The following HNRNPA1L2 variants were observed in gnomAD, a reference collection of about 807,000 sequenced individuals.
HNRNPA1L2 encodes the protein heterogeneous nuclear ribonucleoprotein A1-like 2.
Under a neutral mutation model 18.2 loss-of-function variants are expected in HNRNPA1L2, and 10 were observed. That is an observed-to-expected ratio of 0.55 (90% CI 0.34 to 0.93). The LOEUF (loss-of-function observed/expected upper bound fraction) is 0.93. Among genes scored for constraint, HNRNPA1L2 ranks in the 40% least tolerant of loss-of-function variants. The pLI, the probability that HNRNPA1L2 is intolerant of heterozygous loss-of-function variation, is 0.02. For missense variants in HNRNPA1L2, 308 were observed against 394.4 expected (o/e 0.78, Z 1.85); for synonymous variants, 124 against 138.6 (o/e 0.89, Z 0.74).
chr13:52,619,079 G>C, the HNRNPA1L2 span, among the ~76,000 whole-genome samples: 65,841 of 151,698 alleles, frequency 0.43, 14,602 homozygotes, highest in Middle Eastern at 0.52. Context: ...ACGATCTCGG[G>C]TCACCACAAT....
chr13:52,643,752 A>G lies in HNRNPA1L2; in HGVS notation c.*297A>G, dbSNP rs1179760451. On this transcript the variant is annotated 3_prime_UTR_variant, in exon 1 of 1. Transcript: ENST00000357495. ...CCCATGCTGTTGATTGCTAAATGTA[A>G]TAGTCTGATTGTGACGCTGAATAAA... 1 of 454,368 alleles carries G rather than the reference A, an allele frequency of 2.2e-6. No homozygotes were observed. Among genetic ancestry groups the G allele is most frequent in the Non-Finnish European group, 4.0e-6 (1 of 249,678 alleles). 28.1% of individuals were successfully genotyped at this position (454,368 alleles called of 1,614,324 possible).
the HNRNPA1L2 span, among the ~76,000 whole-genome samples, chr13:52,619,756 C>T: frequency 6.6e-6 from 1 of 151,798 alleles, no homozygotes; most frequent in Non-Finnish European, 1.5e-5. Flanking sequence ...CCCGTCTCTA[C>T]TGAAAACACA....
At chr13:52,634,779 G>A in the HNRNPA1L2 span, among the ~76,000 whole-genome samples, 6 of 152,332 alleles carry the variant, frequency 3.9e-5, no homozygotes, top group Non-Finnish European at 8.8e-5. Flanking sequence ...TCAACAGAAA[G>A]AGTGTTGGTG....
Position 52,642,605 on chromosome 13 carries a change from G to A in HNRNPA1L2, c.113G>A (p.Gly38Glu). 7 of 1,611,896 alleles carry A rather than the reference G, an allele frequency of 4.3e-6. No individual in the cohort carries two copies. Among genetic ancestry groups the A allele is most frequent in the Non-Finnish European group, 5.9e-6 (7 of 1,179,850 alleles). Residue 38 changes from glycine (G) to glutamate (E), a missense_variant, in exon 1 of 1, where the codon GGA (glycine) becomes GAA (glutamate). Coordinates refer to ENST00000357495, the MANE Select transcript of HNRNPA1L2 (RefSeq NM_001389320.1). The stretch of plus-strand genomic sequence containing the variant: ...CTGAGGAGCCATTTTGAGCAATGGG[G>A]AACGCTCACAGACTGTGTGGTAATG... ...ESLRSHFEQW[G>E]TLTDCVVMRD...
the HNRNPA1L2 span, among the ~76,000 whole-genome samples, chr13:52,619,645 G>T: frequency 6.6e-5 from 10 of 152,090 alleles, no homozygotes; most frequent in African/African-American, 2.4e-4. Context: ...TAATAGGCTG[G>T]GCGTGGTGGC....
At chr13:52,619,958 T>G in the HNRNPA1L2 span, among the ~76,000 whole-genome samples, 1 of 151,602 alleles carries the variant, frequency 6.6e-6, no homozygotes, top group African/African-American at 2.4e-5. Flanking sequence ...AATAATTATT[T>G]TCTTAGATTG....
the HNRNPA1L2 span, among the ~76,000 whole-genome samples, chr13:52,633,530 T>G: frequency 4.6e-5 from 7 of 152,174 alleles, no homozygotes; most frequent in African/African-American, 1.7e-4. Context: ...TAGAAGTTAG[T>G]TTTTTGGATT....
At chr13:52,630,475 A>T in the HNRNPA1L2 span, among the ~76,000 whole-genome samples, 1 of 152,034 alleles carries the variant, frequency 6.6e-6, no homozygotes. Flanking sequence ...GGGTTTCACC[A>T]TGTTGGCCAG....
Position 52,643,062 on chromosome 13 carries a change from A to C in HNRNPA1L2, c.570A>C (p.Ser190=). 6.3e-7 allele frequency: 1 copy of C among 1,597,628 alleles called. No homozygotes were observed. Among genetic ancestry groups the C allele is most frequent in the Non-Finnish European group, 8.5e-7 (1 of 1,179,792 alleles). Reference sequence around the variant, plus strand: ...CAAAGCAAGAGATGGCTAGTGCTTCATCCAGCCAAAGAGGTCGAAGGGGTT... The same window carrying C: ...CAAAGCAAGAGATGGCTAGTGCTTCCTCCAGCCAAAGAGGTCGAAGGGGTT... The part of the protein sequence containing the change: ...ALPKQEMASA[S]SSQRGRRGSG... Residue 190 remains serine, a synonymous_variant, in exon 1 of 1, where the codon TCA becomes TCC. Coordinates refer to ENST00000357495, the MANE Select transcript of HNRNPA1L2 (RefSeq NM_001389320.1).
At chr13:52,621,868 TTAA>T in the HNRNPA1L2 span, 7,004 of 152,296 alleles carry the variant, frequency 0.046, 168 homozygotes, top group South Asian at 0.085. Flanking sequence ...GCTATGGTTG[TTAA>T]TAATTATAAA....
the HNRNPA1L2 span, among the ~76,000 whole-genome samples, chr13:52,628,824 T>C: frequency 6.6e-6 from 1 of 152,234 alleles, no homozygotes; most frequent in African/African-American, 2.4e-5. Flanking sequence ...TTAAATGTTA[T>C]CACTGTCCTG....
At chr13:52,637,565 G>A (rs1961500830), upstream of HNRNPA1L2, 1 of 153,998 alleles carries the variant, frequency 6.5e-6, no homozygotes, top group South Asian at 2.0e-4. Context: ...TATCTTCGCG[G>A]TGTCCTAAAG....
the HNRNPA1L2 span, among the ~76,000 whole-genome samples, chr13:52,628,072 G>A: frequency 1.5e-4 from 23 of 152,066 alleles, no homozygotes; most frequent in African/African-American, 5.6e-4. Context: ...GTAGTAAGTG[G>A]TAACACTGCT....
At chr13:52,628,119 T>C in the HNRNPA1L2 span, among the ~76,000 whole-genome samples, 1 of 152,184 alleles carries the variant, frequency 6.6e-6, no homozygotes, top group South Asian at 2.1e-4. Context: ...TTATTCCCAA[T>C]GAGCGTGTGT....
At chr13:52,625,937 TG>T in the HNRNPA1L2 span, among the ~76,000 whole-genome samples, 1 of 151,870 alleles carries the variant, frequency 6.6e-6, no homozygotes. Context: ...CCACCACTCC[TG>T]GCTAATTTTT....
chr13:52,643,565 G>C lies in HNRNPA1L2; in HGVS notation c.*110G>C, dbSNP rs2138087478. 1.2e-6 allele frequency: 1 copy of C among 828,694 alleles called. No individual in the cohort carries two copies. Among genetic ancestry groups the C allele is most frequent in the South Asian group, 1.4e-5 (1 of 69,636 alleles). The allele number at this position is 828,694 out of a possible 1,614,324, so 51.3% of individuals were successfully genotyped here. On this transcript the variant is annotated 3_prime_UTR_variant, in exon 1 of 1. Transcript: ENST00000357495. ...AGCACAGTGGTGGCAGGGCCTAGCT[G>C]CTACAAAGAAGACATGTTTTAGACA... is the stretch of plus-strand genomic sequence containing the variant.
the HNRNPA1L2 span, among the ~76,000 whole-genome samples, chr13:52,633,813 A>G: frequency 6.6e-6 from 1 of 150,948 alleles, no homozygotes; most frequent in Non-Finnish European, 1.5e-5. Context: ...CCCCCTCTCA[A>G]AGGGGAAAAA....
chr13:52,637,139 T>C, the HNRNPA1L2 span, among the ~76,000 whole-genome samples: 9 of 152,330 alleles, frequency 5.9e-5, no homozygotes, highest in African/African-American at 2.2e-4. Flanking sequence ...TAGTCTTTAA[T>C]ATAATTTTTG....
chr13:52,630,800 A>C, the HNRNPA1L2 span, among the ~76,000 whole-genome samples: 5 of 152,340 alleles, frequency 3.3e-5, no homozygotes, highest in African/African-American at 4.8e-5. Flanking sequence ...AAAGTGATTT[A>C]GTATCTGTTA....
Sources: gnomAD v4.1 joint callset for allele counts (sites outside exome capture counted in the v4.1 genomes callset) on GRCh38, gnomAD v4.1.1 for gene constraint, MANE v1.5 for transcripts, NCBI Gene and HGNC (gene_info 2026-07-23, HGNC 2026-07-21) for gene names.